Variants in TWSG1 observed in about 807,000 individuals in gnomAD.
TWSG1 encodes twisted gastrulation protein homolog 1.
Under a neutral mutation model 23.0 loss-of-function variants are expected in TWSG1, and 15 were observed. That is an observed-to-expected ratio of 0.65 (90% CI 0.44 to 1.00). The LOEUF (loss-of-function observed/expected upper bound fraction) is 1.00, where lower values mean the gene tolerates loss of function less well. TWSG1 is among the 50% of genes least tolerant of loss of function. The pLI, the probability that TWSG1 is intolerant of heterozygous loss-of-function variation, is 0.00. For synonymous variants in TWSG1, 86 were observed against 92.8 expected, an observed-to-expected ratio of 0.93 and a Z score of 0.42; for missense variants, 242 against 278.7, an observed-to-expected ratio of 0.87 and a Z score of 0.94.
At chr18:9,398,667 C>G (rs1009367588) in intron 4 of TWSG1, among the ~76,000 whole-genome samples, 1 of 152,066 alleles carries the variant, frequency 6.6e-6, no homozygotes, top group African/African-American at 2.4e-5. Flanking sequence ...CCATGTTAGC[C>G]AGGCTGGTTG....
intron 3 of TWSG1, among the ~76,000 whole-genome samples, chr18:9,372,745 A>G (rs2040611747): frequency 6.6e-6 from 1 of 151,900 alleles, no homozygotes. Context: ...CAGGACAACC[A>G]CTAAAAAAAG....
At chr18:9,398,175 CAT>C (rs761261993) in intron 4 of TWSG1, among the ~76,000 whole-genome samples, 2 of 152,070 alleles carry the variant, frequency 1.3e-5, no homozygotes, top group African/African-American at 4.8e-5. Flanking sequence ...ACATTAGAAA[CAT>C]ATGGAATGCA....
At chr18:9,353,910 G>A (rs2040513210) in intron 2 of TWSG1, among the ~76,000 whole-genome samples, 1 of 152,156 alleles carries the variant, frequency 6.6e-6, no homozygotes, top group African/African-American at 2.4e-5. Context: ...CTTAGCCAAT[G>A]AGTCCAATTT....
chr18:9,371,118 T>C (rs929132778), intron 3 of TWSG1, among the ~76,000 whole-genome samples: 1 of 152,050 alleles, frequency 6.6e-6, no homozygotes, highest in Non-Finnish European at 1.5e-5. Flanking sequence ...AAATGACAGA[T>C]TGACCCTATA....
intron 3 of TWSG1, among the ~76,000 whole-genome samples, chr18:9,378,475 AC>A (rs1235505584): frequency 6.6e-6 from 1 of 152,150 alleles, no homozygotes; most frequent in African/African-American, 2.4e-5. Context: ...ACTAACCAGC[AC>A]CCATGCTGAG....
intron 2 of TWSG1, among the ~76,000 whole-genome samples, chr18:9,344,910 G>A (rs1022146190): frequency 3.9e-5 from 6 of 152,014 alleles, no homozygotes; most frequent in Admixed American, 6.6e-5. Flanking sequence ...ACCACACTCA[G>A]CTAATTTTTA....
At chr18:9,371,292 A>G (rs917328168) in intron 3 of TWSG1, among the ~76,000 whole-genome samples, 2 of 150,384 alleles carry the variant, frequency 1.3e-5, no homozygotes, top group East Asian at 3.9e-4. Context: ...GGATTTTAGA[A>G]ATCACTTTTT....
rs146409310 is a variant in TWSG1 at position 9,335,336 on chromosome 18, C to G, written c.-38+416C>G. Among the ~76,000 whole-genome samples the G allele has an allele frequency of 7.5e-4, 115 of 152,356 alleles. 1 individual carries two copies. The East Asian group carries it at 0.02, about 26-fold the overall frequency. ...TCGCTGTCAGTGCCATCTCCCTTAACGAGAAACTTGGGCGTGATGTATGCG... is the reference window on the plus strand; with the variant it reads ...TCGCTGTCAGTGCCATCTCCCTTAAGGAGAAACTTGGGCGTGATGTATGCG... On this transcript the variant is annotated intron_variant, in intron 1 of 4. Coordinates refer to ENST00000262120, the MANE Select transcript of TWSG1 (RefSeq NM_020648.6).
chr18:9,341,533 A>G (rs939429559), intron 2 of TWSG1, among the ~76,000 whole-genome samples: 3 of 152,208 alleles, frequency 2.0e-5, no homozygotes, highest in African/African-American at 4.8e-5. Context: ...TGCTTGTACT[A>G]CTATTTCTTG....
At chr18:9,378,166 G>T (rs1214496881) in intron 3 of TWSG1, among the ~76,000 whole-genome samples, 1 of 152,162 alleles carries the variant, frequency 6.6e-6, no homozygotes, top group Non-Finnish European at 1.5e-5. Flanking sequence ...TACAAAAGTT[G>T]TATCTAATAA....
chr18:9,398,118 C>A (rs1320676397), intron 4 of TWSG1, among the ~76,000 whole-genome samples: 2 of 151,776 alleles, frequency 1.3e-5, no homozygotes, highest in Non-Finnish European at 2.9e-5. Context: ...TTTCTTATTC[C>A]CTTTTAGGTT....
chr18:9,353,932 A>T (rs1328399436), intron 2 of TWSG1, among the ~76,000 whole-genome samples: 1 of 152,246 alleles, frequency 6.6e-6, no homozygotes, highest in South Asian at 2.1e-4. Context: ...ACCTTTACAA[A>T]CAATGATTAA....
chr18:9,335,615 C>T (rs1483346378), intron 1 of TWSG1, among the ~76,000 whole-genome samples: 7 of 152,072 alleles, frequency 4.6e-5, no homozygotes, highest in African/African-American at 1.4e-4. Context: ...ATTTGGCCTC[C>T]GCAAATATGT....
rs890766044 is a variant in TWSG1 at position 9,345,809 on chromosome 18, A to AAT, written c.123+8463_123+8464dup. ...ATAAAGCCAGCTGGGATCTTAAAAA[A>AAT]ATATATAATAGACTTTATTTTTTGG... is the stretch of plus-strand genomic sequence containing the variant. On this transcript the variant is annotated intron_variant, in intron 2 of 4. Coordinates refer to ENST00000262120, the MANE Select transcript of TWSG1 (RefSeq NM_020648.6). Among the ~76,000 whole-genome samples the AAT allele has an allele frequency of 2.9e-4, 44 of 152,212 alleles. 1 individual carries two copies. The highest frequency in any genetic ancestry group is 8.7e-4 in the African/African-American group (36 of 41,448).
At chr18:9,374,720 C>T (rs542713091) in intron 3 of TWSG1, among the ~76,000 whole-genome samples, 1 of 152,294 alleles carries the variant, frequency 6.6e-6, no homozygotes, top group East Asian at 1.9e-4. Context: ...AAAGATATTA[C>T]AAGAAAACTA....
At chr18:9,394,111 T>C (rs2040724136) in intron 3 of TWSG1, among the ~76,000 whole-genome samples, 1 of 152,208 alleles carries the variant, frequency 6.6e-6, no homozygotes, top group South Asian at 2.1e-4. Flanking sequence ...TCTGTGTTTA[T>C]TGCAGCAGTA....
intron 3 of TWSG1, among the ~76,000 whole-genome samples, chr18:9,383,174 G>T (rs1315439772): frequency 1.4e-5 from 2 of 143,544 alleles, no homozygotes; most frequent in Admixed American, 1.4e-4. Context: ...GGTGATATCC[G>T]AATTACACGT....
chr18:9,395,009 C>T (rs867933793), intron 3 of TWSG1, among the ~76,000 whole-genome samples: 21 of 152,336 alleles, frequency 1.4e-4, no homozygotes, highest in Middle Eastern at 3.4e-3. Context: ...AGTGGTACCT[C>T]TTCTTTCTTT....
intron 1 of TWSG1, among the ~76,000 whole-genome samples, chr18:9,335,517 C>G (rs1598817490): frequency 6.6e-6 from 1 of 152,230 alleles, no homozygotes; most frequent in East Asian, 1.9e-4. Context: ...ATAAGACAAC[C>G]GTAAAAGATG....
Sources: gnomAD v4.1 joint callset for allele counts (sites outside exome capture counted in the v4.1 genomes callset) on GRCh38, gnomAD v4.1.1 for gene constraint, MANE v1.5 for transcripts, NCBI Gene and HGNC (gene_info 2026-07-23, HGNC 2026-07-21) for gene names.